Variants in CCDC192 observed in about 807,000 individuals in gnomAD.
CCDC192 encodes coiled-coil domain-containing protein 192.
chr5:127,835,486 T>C lies in CCDC192; in HGVS notation c.411+37324T>C, dbSNP rs1041603946. Reference sequence around the variant, plus strand: ...CTCCTCAAATGGCACTTTGGTTTAATGGTGATTCTGGAAATATCTCTCTCC... The same window carrying C: ...CTCCTCAAATGGCACTTTGGTTTAACGGTGATTCTGGAAATATCTCTCTCC... On this transcript the variant is annotated intron_variant, in intron 5 of 6. Coordinates refer to ENST00000514853, the MANE Select transcript of CCDC192 (RefSeq NM_001317938.2). Among the ~76,000 whole-genome samples the C allele has an allele frequency of 3.3e-5, 5 of 152,220 alleles. No individual in the cohort carries two copies. The East Asian group carries it at 7.7e-4, about 23-fold the overall frequency.
chr5:127,874,330 G>A (rs985911809), intron 5 of CCDC192, among the ~76,000 whole-genome samples: 11 of 152,142 alleles, frequency 7.2e-5, no homozygotes, highest in African/African-American at 2.7e-4. Context: ...TTAGTGAAGT[G>A]CTGATCTTCC....
At chr5:127,733,411 C>T (rs980596481) in intron 2 of CCDC192, among the ~76,000 whole-genome samples, 1 of 152,112 alleles carries the variant, frequency 6.6e-6, no homozygotes, top group African/African-American at 2.4e-5. Flanking sequence ...TTATCATCTC[C>T]TCCATTTTTA....
chr5:127,810,677 C>T (rs2126998997), intron 5 of CCDC192, among the ~76,000 whole-genome samples: 2 of 152,258 alleles, frequency 1.3e-5, no homozygotes, highest in East Asian at 3.9e-4. Context: ...ATTACTGGTG[C>T]AGGAAGGCAT....
chr5:127,737,926 T>A (rs572207637), intron 2 of CCDC192, among the ~76,000 whole-genome samples: 1 of 151,824 alleles, frequency 6.6e-6, no homozygotes, highest in Admixed American at 6.6e-5. Flanking sequence ...TTTAGTCCAT[T>A]TACATTTAAA....
chr5:127,882,062 C>T (rs750581772), intron 6 of CCDC192, among the ~76,000 whole-genome samples: 5 of 152,146 alleles, frequency 3.3e-5, no homozygotes, highest in Non-Finnish European at 7.3e-5. Context: ...TCTAAAGTTA[C>T]CTCTTTGTTT....
intron 2 of CCDC192, among the ~76,000 whole-genome samples, chr5:127,717,926 G>GACAAAAAAAAAAAAAAAAAAAAAAAAA (rs1751717772): frequency 2.2e-4 from 1 of 4,544 alleles, no homozygotes; most frequent in East Asian, 3.9e-3. Context: ...TATAAAGCTA[G>GACAAAAAAAAAAAAAAAAAAAAAAAAA]ACAAAAAAAA....
At chr5:127,869,045 G>A (rs1012838354) in intron 5 of CCDC192, among the ~76,000 whole-genome samples, 3 of 152,110 alleles carry the variant, frequency 2.0e-5, no homozygotes, top group Non-Finnish European at 4.4e-5. Flanking sequence ...AAATGAGGCC[G>A]GGCACGCTGG....
At chr5:127,783,668 TTTGTTGTTG>T (rs745946001) in intron 3 of CCDC192, among the ~76,000 whole-genome samples, 5 of 152,048 alleles carry the variant, frequency 3.3e-5, no homozygotes, top group Non-Finnish European at 7.4e-5. Context: ...AAATCCATTG[TTTGTTGTTG>T]TTGTTGTTGT....
At chr5:127,908,047 G>A (rs13161619) in intron 6 of CCDC192, among the ~76,000 whole-genome samples, 14,576 of 152,204 alleles carry the variant, frequency 0.096, 900 homozygotes, top group Non-Finnish European at 0.14. Context: ...CAATTTAATG[G>A]TTTTGGATAA....
intron 6 of CCDC192, among the ~76,000 whole-genome samples, chr5:127,884,378 A>AAG (rs1345814731): frequency 7.0e-6 from 1 of 142,838 alleles, no homozygotes; most frequent in Non-Finnish European, 1.5e-5. Context: ...AAGAAGAGGG[A>AAG]AGAGACTGCA....
chr5:127,911,233 C>G (rs1753335988), intron 6 of CCDC192, among the ~76,000 whole-genome samples: 1 of 152,278 alleles, frequency 6.6e-6, no homozygotes, highest in African/African-American at 2.4e-5. Flanking sequence ...TGTTCAAGCC[C>G]AGGGGACATG....
chr5:127,936,018 C>T (rs1335921599), intron 6 of CCDC192, among the ~76,000 whole-genome samples: 1 of 152,112 alleles, frequency 6.6e-6, no homozygotes. Context: ...GCAGGAGAAT[C>T]GCTTGAACCC....
chr5:127,907,571 A>G (rs1753234541), intron 6 of CCDC192, among the ~76,000 whole-genome samples: 1 of 152,192 alleles, frequency 6.6e-6, no homozygotes, highest in Admixed American at 6.5e-5. Flanking sequence ...CTTTTAAAAT[A>G]AATGTTAAAG....
At chr5:127,743,859 G>C (rs1240263911) in intron 2 of CCDC192, among the ~76,000 whole-genome samples, 1 of 152,130 alleles carries the variant, frequency 6.6e-6, no homozygotes, top group Non-Finnish European at 1.5e-5. Context: ...GGGAAGCCGA[G>C]GCGGGTGGAT....
chr5:127,904,261 C>T (rs1404703210), intron 6 of CCDC192, among the ~76,000 whole-genome samples: 2 of 152,166 alleles, frequency 1.3e-5, no homozygotes, highest in African/African-American at 4.8e-5. Flanking sequence ...CTTACTGTAA[C>T]CTTGATTTTA....
intron 5 of CCDC192, among the ~76,000 whole-genome samples, chr5:127,835,946 A>T (rs958244252): frequency 6.6e-6 from 1 of 152,158 alleles, no homozygotes; most frequent in African/African-American, 2.4e-5. Context: ...AAAACCAATC[A>T]TGCCTTCCCA....
At chr5:127,736,471 T>G (rs1235709533) in intron 2 of CCDC192, among the ~76,000 whole-genome samples, 1 of 151,982 alleles carries the variant, frequency 6.6e-6, no homozygotes, top group Admixed American at 6.5e-5. Flanking sequence ...ATTCCCTCTT[T>G]TTCTATTGAT....
chr5:127,785,902 G>T, intron 3 of CCDC192: 1 of 419,138 alleles, frequency 2.4e-6, no homozygotes. Context: ...GTTAAATGCA[G>T]ACATTACCAA....
chr5:127,818,202 C>A (rs1391451131), intron 5 of CCDC192, among the ~76,000 whole-genome samples: 1 of 152,124 alleles, frequency 6.6e-6, no homozygotes, highest in East Asian at 1.9e-4. Context: ...CTCTTAATGT[C>A]ACTTGATAAG....
Sources: gnomAD v4.1 joint callset for allele counts (sites outside exome capture counted in the v4.1 genomes callset) on GRCh38, gnomAD v4.1.1 for gene constraint, MANE v1.5 for transcripts, NCBI Gene and HGNC (gene_info 2026-07-23, HGNC 2026-07-21) for gene names.